MUSK: variants seen among roughly 807,000 people sequenced by gnomAD.
The protein encoded by MUSK is muscle associated receptor tyrosine kinase, also known as muscle, skeletal receptor tyrosine-protein kinase.
In MUSK, 55 loss-of-function variants were observed where a neutral mutation model predicts 88.7. That is an observed-to-expected ratio of 0.62 (90% CI 0.50 to 0.78). MUSK has a LOEUF of 0.78. MUSK is among the 30% of genes least tolerant of loss of function. The pLI is 0.00. For synonymous variants in MUSK, 387 were observed against 391.9 expected (o/e 0.99, Z 0.15); for missense variants, 1,015 against 1,074.3 (o/e 0.94, Z 0.77).
intron 14 of MUSK, among the ~76,000 whole-genome samples, chr9:110,799,693 G>T (rs1291965542): frequency 6.6e-6 from 1 of 152,122 alleles, no homozygotes; most frequent in East Asian, 1.9e-4. Flanking sequence ...GAAGAATAAG[G>T]TTCAATCTCT....
At chr9:110,739,683 T>C (rs1232586463) in intron 6 of MUSK, among the ~76,000 whole-genome samples, 1 of 152,164 alleles carries the variant, frequency 6.6e-6, no homozygotes, top group African/African-American at 2.4e-5. Flanking sequence ...TCGAGCCCAT[T>C]GAGTTAGCCC....
chr9:110,740,443 A>G (rs2077083298), intron 6 of MUSK, among the ~76,000 whole-genome samples: 1 of 152,086 alleles, frequency 6.6e-6, no homozygotes, highest in African/African-American at 2.4e-5. Flanking sequence ...TACAATGATG[A>G]GCGCCAAAAA....
chr9:110,791,134 CG>C (rs1361323107), intron 14 of MUSK, among the ~76,000 whole-genome samples: 11 of 152,080 alleles, frequency 7.2e-5, no homozygotes, highest in Non-Finnish European at 1.6e-4. Context: ...GGAACAGCTC[CG>C]GTCTACAGCT....
intron 3 of MUSK, among the ~76,000 whole-genome samples, chr9:110,692,379 C>A (rs188761445): frequency 6.6e-6 from 1 of 151,920 alleles, no homozygotes; most frequent in South Asian, 2.1e-4. Flanking sequence ...CAGTGTGTTG[C>A]ACATACTGAG....
chr9:110,769,519 T>A (rs1425173737), intron 9 of MUSK, among the ~76,000 whole-genome samples: 1 of 152,254 alleles, frequency 6.6e-6, no homozygotes, highest in African/African-American at 2.4e-5. Context: ...TGAGGGGCAG[T>A]AAAATTTGTT....
intron 5 of MUSK, among the ~76,000 whole-genome samples, chr9:110,729,067 G>A (rs1022950851): frequency 3.3e-5 from 5 of 151,718 alleles, no homozygotes; most frequent in African/African-American, 1.2e-4. Context: ...GACTTTTGGT[G>A]GGGGTTGGGG....
At chr9:110,785,899 T>TAC (rs200564354) in intron 13 of MUSK, among the ~76,000 whole-genome samples, 181 bp downstream of exon 13, 3 of 146,870 alleles carry the variant, frequency 2.0e-5, no homozygotes, top group Admixed American at 6.8e-5. Flanking sequence ...TATATATATA[T>TAC]ACACACACAC....
At chr9:110,743,044 A>T (rs564822571) in intron 6 of MUSK, among the ~76,000 whole-genome samples, 1 of 152,254 alleles carries the variant, frequency 6.6e-6, no homozygotes, top group African/African-American at 2.4e-5. Flanking sequence ...AACAAAGACG[A>T]ACGCAGAGCT....
rs751434801 is a variant in MUSK at position 110,800,466 on chromosome 9, C to A, written c.2088C>A (p.Pro696=). ...AGGTCTCCAGCCCTGGGCCCCCACC[C>A]CTCTCCTGTGCTGAGCAGCTTTGCA... ...RAQVSSPGPP[P]LSCAEQLCIA... is the part of the protein sequence containing the mutation. Residue 696 remains proline, a synonymous_variant, in exon 15 of 15, where the codon CCC becomes CCA. Transcript: ENST00000374448. 30 of 1,613,790 alleles carry A rather than the reference C, an allele frequency of 1.9e-5. 1 individual carries two copies. Among genetic ancestry groups the A allele is most frequent in the Admixed American group, 3.3e-5 (2 of 59,998 alleles).
intron 1 of MUSK, among the ~76,000 whole-genome samples, chr9:110,682,460 C>T (rs1341542241): frequency 2.0e-5 from 3 of 152,132 alleles, no homozygotes; most frequent in Non-Finnish European, 2.9e-5. Flanking sequence ...ACTCTAAGCC[C>T]TGCTCTCCTG....
At chr9:110,774,057 A>AT (rs1332769783) in intron 9 of MUSK, among the ~76,000 whole-genome samples, 1 of 151,890 alleles carries the variant, frequency 6.6e-6, no homozygotes, top group Non-Finnish European at 1.5e-5. Context: ...ATTATTTTCT[A>AT]TTTTTTATGT....
At chr9:110,790,533 C>G (rs1166674533) in intron 14 of MUSK, among the ~76,000 whole-genome samples, 1 of 152,126 alleles carries the variant, frequency 6.6e-6, no homozygotes, top group African/African-American at 2.4e-5. Flanking sequence ...AATCTTGGCA[C>G]TGTTGGATGG....
chr9:110,775,794 C>G lies in MUSK; in HGVS notation c.1191C>G (p.Tyr397Ter), dbSNP rs974076801. ...VPTPIPICRE[Y>*]CLAVKELFCA... ...TCTCCATATACTATTTTAGAGAGTA[C>G]TGCTTGGCAGTAAAGGAGCTCTTCT... The change falls in exon 10 of 15, where the codon TAC (tyrosine) becomes TAG (stop). Residue 397 changes from tyrosine (Y) to a stop codon, truncating the protein, a stop_gained. Transcript: ENST00000374448. LOFTEE classifies it high-confidence loss of function. 6.2e-7 allele frequency: 1 copy of G among 1,613,602 alleles called. No individual in the cohort carries two copies. The highest frequency in any genetic ancestry group is 1.3e-5 in the African/African-American group (1 of 74,880).
intron 5 of MUSK, among the ~76,000 whole-genome samples, chr9:110,716,038 G>C (rs1179997835): frequency 1.3e-5 from 2 of 149,640 alleles, no homozygotes; most frequent in East Asian, 1.9e-4. Context: ...TATTACCTAA[G>C]TGATGGGCTG....
chr9:110,754,556 T>A (rs994011837), intron 7 of MUSK, among the ~76,000 whole-genome samples: 1 of 152,226 alleles, frequency 6.6e-6, no homozygotes, highest in African/African-American at 2.4e-5. Flanking sequence ...TCCCAGGTAC[T>A]ATGGCTGGAT....
chr9:110,766,643 T>C (rs1464988723), intron 8 of MUSK, among the ~76,000 whole-genome samples: 1 of 152,236 alleles, frequency 6.6e-6, no homozygotes, highest in Non-Finnish European at 1.5e-5. Flanking sequence ...GTATTAATTT[T>C]TTAAATTCAA....
At chr9:110,742,648 A>T (rs2077117845) in intron 6 of MUSK, among the ~76,000 whole-genome samples, 1 of 152,202 alleles carries the variant, frequency 6.6e-6, no homozygotes, top group Non-Finnish European at 1.5e-5. Flanking sequence ...CAAGAGTAGG[A>T]TAGTTTAAGA....
chr9:110,681,059 A>ATATAATATAT, intron 1 of MUSK, among the ~76,000 whole-genome samples: 1 of 32,482 alleles, frequency 3.1e-5, no homozygotes, highest in Non-Finnish European at 4.9e-5. Flanking sequence ...ATTATATATT[A>ATATAATATAT]TATATATAAT....
At chr9:110,697,555 A>G (rs1329351331) in intron 5 of MUSK, 89 bp downstream of exon 5, 3 of 1,386,854 alleles carry the variant, frequency 2.2e-6, no homozygotes, top group East Asian at 2.4e-5. Flanking sequence ...GAGAGAAGAG[A>G]TGTGGGCAGC....
Sources: allele counts gnomAD v4.1 joint callset (sites outside exome capture counted in the v4.1 genomes callset), GRCh38; gene constraint gnomAD v4.1.1; transcripts MANE v1.5; gene names NCBI Gene and HGNC (gene_info 2026-07-23, HGNC 2026-07-21).